Variants in PRELID3A observed in about 807,000 individuals in gnomAD.
The protein encoded by PRELID3A is PRELI domain containing protein 3A.
PRELID3A carries 27 observed loss-of-function variants against 23.0 expected under a neutral mutation model. The observed-to-expected ratio is 1.17, with a 90% confidence interval of 0.87 to 1.62. The LOEUF (loss-of-function observed/expected upper bound fraction) is 1.62. Ranked by LOEUF, PRELID3A falls within the 40% of genes most tolerant of loss-of-function variation. The probability of loss-of-function intolerance (pLI) is 0.00; values close to 1 mark genes in which losing one functional copy is unlikely to be tolerated. For missense variants in PRELID3A, 231 were observed against 231.4 expected, an observed-to-expected ratio of 1.00 and a Z score of 0.01; for synonymous variants, 87 against 86.4, an observed-to-expected ratio of 1.01 and a Z score of -0.04.
At chr18:12,412,025 C>T (rs1909933743) in intron 1 of PRELID3A, among the ~76,000 whole-genome samples, 1 of 151,822 alleles carries the variant, frequency 6.6e-6, no homozygotes, top group Admixed American at 6.6e-5. Context: ...ATTCTCCTGC[C>T]TCAGCCTCCA....
intron 3 of PRELID3A, among the ~76,000 whole-genome samples, chr18:12,423,039 A>G (rs2030241444): frequency 6.6e-6 from 1 of 152,076 alleles, no homozygotes; most frequent in Non-Finnish European, 1.5e-5. Flanking sequence ...CATCTAGACA[A>G]CCCACATAGG....
At chr18:12,429,711 G>T (rs1003034832) in intron 6 of PRELID3A, among the ~76,000 whole-genome samples, 14 of 152,184 alleles carry the variant, frequency 9.2e-5, no homozygotes, top group Non-Finnish European at 2.9e-5. Context: ...AGCCACCCTC[G>T]GGCTGGGTTG....
chr18:12,424,677 T>C (rs2030299941), intron 3 of PRELID3A, among the ~76,000 whole-genome samples: 1 of 152,224 alleles, frequency 6.6e-6, no homozygotes, highest in Non-Finnish European at 1.5e-5. Context: ...TATTTATCAC[T>C]ACAGAAAGGT....
chr18:12,421,675 G>A, intron 3 of PRELID3A, 46 bp downstream of exon 3: 1 of 1,327,416 alleles, frequency 7.5e-7, no homozygotes, highest in Non-Finnish European at 1.1e-6. Context: ...GTGTCTGGGT[G>A]GTGGTGCGTA....
intron 3 of PRELID3A, among the ~76,000 whole-genome samples, chr18:12,426,337 G>T (rs1221378543): frequency 6.6e-6 from 1 of 151,318 alleles, no homozygotes; most frequent in Admixed American, 6.6e-5. Context: ...GGCGGATCAC[G>T]AGGTCAGGAG....
chr18:12,419,049 C>T lies in PRELID3A; in HGVS notation c.33-1276C>T, dbSNP rs189123380. ...TGTTAAAATAAAAAGTTGGGCTGGG[C>T]ACGGTGGCTCACGCCTGTAATCCTA... is the stretch of plus-strand genomic sequence containing the variant. On this transcript the variant is annotated intron_variant, in intron 1 of 6. Coordinates refer to ENST00000440960, the MANE Select transcript of PRELID3A (RefSeq NM_001142405.2). Among the ~76,000 whole-genome samples, 4 of 152,232 alleles carry T rather than the reference C, an allele frequency of 2.6e-5. No homozygotes were observed. In the East Asian group the frequency reaches 7.7e-4, roughly 29 times the overall value.
intron 1 of PRELID3A, among the ~76,000 whole-genome samples, chr18:12,413,640 G>GT (rs545650950): frequency 6.6e-6 from 1 of 152,168 alleles, no homozygotes; most frequent in South Asian, 2.1e-4. Flanking sequence ...CTGGAGTGCA[G>GT]TGGCATGATC....
At position 12,422,420 on chromosome 18, in the gene PRELID3A, G is replaced by A. The variant is rs487179; in HGVS notation, c.291+791G>A. On this transcript the variant is annotated intron_variant, in intron 3 of 6. Transcript: ENST00000440960. ...GTCGCCCAGGCTGGAGTGCAGTGGC[G>A]TGATCTCGGCTCACTGCAACCTCCG... 5.5e-3 allele frequency: 829 copies of A among 150,400 alleles called. 10 individuals carry two copies. The highest frequency in any genetic ancestry group is 0.019 in the African/African-American group (780 of 40,812). The allele number at this position is 150,400 out of a possible 1,614,324, so 9.3% of individuals were successfully genotyped here. A position where few individuals can be genotyped will look rare whatever the true frequency, so the allele number is the denominator to read the frequency against.
At position 12,426,329 on chromosome 18, in the gene PRELID3A, C is replaced by T. The variant is rs28409975; in HGVS notation, c.292-712C>T. ...CAGCACTTTGGGAGGCCAAGGCGGG[C>T]GGATCACGAGGTCAGGAGATCGAGA... On this transcript the variant is annotated intron_variant, in intron 3 of 6. Coordinates refer to ENST00000440960, the MANE Select transcript of PRELID3A (RefSeq NM_001142405.2). Among the ~76,000 whole-genome samples, 329 of 151,094 alleles carry T rather than the reference C, an allele frequency of 2.2e-3. 3 individuals are homozygous for T. Among genetic ancestry groups the T allele is most frequent in the African/African-American group, 7.2e-3 (295 of 41,198 alleles).
rs1223736384 is a variant in PRELID3A, at chr18:12,417,728, ATCTGGGG to A, written c.33-2592_33-2586del. Among the ~76,000 whole-genome samples the A allele has an allele frequency of 2.0e-5, 3 of 152,268 alleles. No homozygotes were observed. In the East Asian group the frequency reaches 5.8e-4, roughly 29 times the overall value. ...CTCTAGATTCACCTTCCTTACCTAG[ATCTGGGG>A]TCTGCCATGTCCCTGACAGTTCTTT... is the stretch of plus-strand genomic sequence containing the variant. On this transcript the variant is annotated intron_variant, in intron 1 of 6. Coordinates refer to ENST00000440960, the MANE Select transcript of PRELID3A (RefSeq NM_001142405.2).
chr18:12,432,213 A>G lies in PRELID3A; in HGVS notation c.*1097A>G, dbSNP rs1002269772. 6.6e-6 allele frequency: 1 copy of G among 152,220 alleles called. No individual in the cohort carries two copies. Among genetic ancestry groups the G allele is most frequent in the African/African-American group, 2.4e-5 (1 of 41,442 alleles). 9.4% of individuals were successfully genotyped at this position (152,220 alleles called of 1,614,324 possible). A position where few individuals can be genotyped will look rare whatever the true frequency, so the allele number is the denominator to read the frequency against. ...CCTTTCTCTTCCCTTCTTTTATTAA[A>G]CACAGATAGGTTTATGCTGGATAAA... On this transcript the variant is annotated 3_prime_UTR_variant, in exon 7 of 7. Coordinates refer to ENST00000440960, the MANE Select transcript of PRELID3A (RefSeq NM_001142405.2).
At chr18:12,422,621 T>C (rs544116112) in intron 3 of PRELID3A, among the ~76,000 whole-genome samples, 79 of 152,208 alleles carry the variant, frequency 5.2e-4, no homozygotes, top group African/African-American at 1.9e-3. Context: ...CCTCCCAAAG[T>C]ACTGGGATTA....
chr18:12,407,949 C>G lies in PRELID3A; in HGVS notation c.-27C>G, dbSNP rs773402980. On this transcript the variant is annotated 5_prime_UTR_variant, in exon 1 of 7. Coordinates refer to ENST00000440960, the MANE Select transcript of PRELID3A (RefSeq NM_001142405.2). ...GGCCCGAAGCACCCGGCCCGGATCG[C>G]AGAGCCCGCGCCCTGCGCCGGCGGC... 1 of 1,293,688 alleles carries G rather than the reference C, an allele frequency of 7.7e-7. No homozygotes were observed. The highest frequency in any genetic ancestry group is 2.5e-5 in the South Asian group (1 of 40,374). The allele number at this position is 1,293,688 out of a possible 1,614,324, so 80.1% of individuals were successfully genotyped here. A position where few individuals can be genotyped will look rare whatever the true frequency, so the allele number is the denominator to read the frequency against.
chr18:12,425,687 C>T (rs1368157278), intron 3 of PRELID3A, among the ~76,000 whole-genome samples: 1 of 150,986 alleles, frequency 6.6e-6, no homozygotes, highest in African/African-American at 2.4e-5. Context: ...CACCTGTAAT[C>T]CCAGCACTTT....
intron 1 of PRELID3A, among the ~76,000 whole-genome samples, 172 bp downstream of exon 1, chr18:12,408,179 C>G (rs1423243733): frequency 6.6e-6 from 1 of 151,994 alleles, no homozygotes; most frequent in African/African-American, 2.4e-5. Flanking sequence ...AGGGCACGCG[C>G]GCTTCCCCGG....
Position 12,408,016 on chromosome 18 carries a change from G to A in PRELID3A, c.32+9G>A, listed in dbSNP as rs1021217315. 2.4e-6 allele frequency: 3 copies of A among 1,269,586 alleles called. No individual in the cohort carries two copies. Among genetic ancestry groups the A allele is most frequent in the South Asian group, 2.9e-5 (1 of 33,970 alleles). 78.6% of individuals were successfully genotyped at this position (1,269,586 alleles called of 1,614,324 possible). Reference sequence around the variant, plus strand: ...TCGGAGCACGTGTTTGGGTGAGGCCGGGCTGAGGGCCGCGGTGGGGCCGTC... The same window carrying A: ...TCGGAGCACGTGTTTGGGTGAGGCCAGGCTGAGGGCCGCGGTGGGGCCGTC... On this transcript the variant is annotated intron_variant, in intron 1 of 6. Coordinates refer to ENST00000440960, the MANE Select transcript of PRELID3A (RefSeq NM_001142405.2).
chr18:12,422,197 C>CTTTTTTTTTT (rs562964007), intron 3 of PRELID3A: 1 of 131,114 alleles, frequency 7.6e-6, no homozygotes, highest in Non-Finnish European at 1.6e-5. Context: ...TTTCAACGTG[C>CTTTTTTTTTT]TTTTTTTTTT....
At chr18:12,426,039 A>G (rs917690300) in intron 3 of PRELID3A, among the ~76,000 whole-genome samples, 2 of 151,920 alleles carry the variant, frequency 1.3e-5, no homozygotes, top group African/African-American at 4.8e-5. Context: ...GATTGAGACC[A>G]TCCTGGCCAA....
chr18:12,416,517 A>G (rs1486236759), intron 1 of PRELID3A, among the ~76,000 whole-genome samples: 1 of 151,912 alleles, frequency 6.6e-6, no homozygotes, highest in Non-Finnish European at 1.5e-5. Flanking sequence ...GGGTCTTGCT[A>G]TATTGCCCAG....
Sources: gnomAD v4.1 joint callset for allele counts (sites outside exome capture counted in the v4.1 genomes callset) on GRCh38, gnomAD v4.1.1 for gene constraint, MANE v1.5 for transcripts, NCBI Gene and HGNC (gene_info 2026-07-23, HGNC 2026-07-21) for gene names.